Variants in SLCO1B3 observed in about 807,000 individuals in gnomAD.
SLCO1B3 encodes liver-specific organic anion transporter 2.
Under a neutral mutation model 71.8 loss-of-function variants are expected in SLCO1B3, and 72 were observed. The ratio of observed to expected loss-of-function variants is 1.00; its 90% confidence interval spans 0.83 to 1.22. The LOEUF is 1.22. Among genes scored for constraint, SLCO1B3 ranks in the 50% most tolerant of loss-of-function variants. The pLI is 0.00. For missense variants in SLCO1B3, 911 were observed against 819.7 expected (o/e 1.11, Z -1.36); for synonymous variants, 298 against 278.4 (o/e 1.07, Z -0.70).
At chr12:20,828,807 G>T (rs1197227057) in intron 3 of SLCO1B3, among the ~76,000 whole-genome samples, 1 of 152,068 alleles carries the variant, frequency 6.6e-6, no homozygotes, top group Non-Finnish European at 1.5e-5. Context: ...TATCAACCCA[G>T]AAAAGATTGG....
At chr12:20,875,182 C>G (rs189416280) in intron 8 of SLCO1B3, 53 bp from the exon 9 acceptor site, 3 of 1,595,786 alleles carry the variant, frequency 1.9e-6, no homozygotes, top group East Asian at 4.5e-5. Flanking sequence ...TTCCCAGAAC[C>G]TACTGTATTT....
intron 3 of SLCO1B3, among the ~76,000 whole-genome samples, chr12:20,835,256 C>T (rs904067274): frequency 8.5e-5 from 13 of 152,112 alleles, no homozygotes; most frequent in South Asian, 4.1e-4. Context: ...CCGTGATGGG[C>T]GTGGCTGCTC....
intron 13 of SLCO1B3, among the ~76,000 whole-genome samples, chr12:20,885,595 A>G (rs1437077296): frequency 6.6e-6 from 1 of 152,030 alleles, no homozygotes; most frequent in Non-Finnish European, 1.5e-5. Flanking sequence ...AAGTTATATG[A>G]CAAGAGACCT....
intron 3 of SLCO1B3, among the ~76,000 whole-genome samples, chr12:20,834,836 G>A (rs1047894140): frequency 6.6e-6 from 1 of 152,126 alleles, no homozygotes; most frequent in Non-Finnish European, 1.5e-5. Context: ...GAGGATCGTA[G>A]CCCTCTTCTC....
intron 3 of SLCO1B3, among the ~76,000 whole-genome samples, chr12:20,836,230 G>A (rs10743398): frequency 0.71 from 107,368 of 152,050 alleles, 38,050 homozygotes; most frequent in East Asian, 0.87. Flanking sequence ...CAGTGGGGAC[G>A]CAGCCAAAAC....
chr12:20,856,429 A>G (rs1242113281), intron 4 of SLCO1B3, among the ~76,000 whole-genome samples: 1 of 152,242 alleles, frequency 6.6e-6, no homozygotes, highest in Non-Finnish European at 1.5e-5. Flanking sequence ...AATGATGCGA[A>G]TAAAAACAAC....
chr12:20,861,209 T>C, intron 6 of SLCO1B3, 71 bp downstream of exon 6: 3 of 1,334,500 alleles, frequency 2.2e-6, no homozygotes, highest in African/African-American at 1.5e-5. Flanking sequence ...AAGTTTCTGA[T>C]ATTCTTTAAC....
chr12:20,867,471 T>G (rs1865395499), intron 8 of SLCO1B3, among the ~76,000 whole-genome samples: 1 of 148,592 alleles, frequency 6.7e-6, no homozygotes. Flanking sequence ...TTTCAAGACA[T>G]GGATCTTGGA....
intron 3 of SLCO1B3, 130 bp downstream of exon 3, chr12:20,815,952 A>G (rs1055798073): frequency 6.1e-6 from 3 of 493,872 alleles, no homozygotes; most frequent in African/African-American, 3.9e-5. Context: ...GTACATTAAA[A>G]TATTAACAAA....
At position 20,879,580 on chromosome 12, in the gene SLCO1B3, C is replaced by T; in HGVS notation, c.1280C>T (p.Pro427Leu). ...ISFLFQLLYF[P>L]LICESKSVAG... ...TTCTTGTTTCAACTTCTATATTTCC[C>T]TCTAATCTGCGAAAGCAAATCAGTT... is the stretch of plus-strand genomic sequence containing the variant. The change falls in exon 11 of 16, where the codon CCT (proline) becomes CTT (leucine). Residue 427 changes from proline (P) to leucine (L), a missense_variant. Transcript: ENST00000381545. 3 of 1,612,874 alleles carry T rather than the reference C, an allele frequency of 1.9e-6. No homozygotes were observed. The highest frequency in any genetic ancestry group is 2.2e-5 in the South Asian group (2 of 91,020).
chr12:20,898,328 A>C, intron 13 of SLCO1B3, 108 bp from the exon 14 acceptor site: 1 of 710,512 alleles, frequency 1.4e-6, no homozygotes, highest in Non-Finnish European at 2.6e-6. Flanking sequence ...TTCACTTAAG[A>C]GTATTCATTC....
intron 13 of SLCO1B3, among the ~76,000 whole-genome samples, chr12:20,885,973 T>A (rs1045436958): frequency 1.3e-5 from 2 of 152,116 alleles, no homozygotes; most frequent in African/African-American, 4.8e-5. Context: ...CTATGATCAT[T>A]CTTCACAATG....
In SLCO1B3 at chr12:20,861,082, G is replaced by A. The variant is rs993057194; in HGVS notation, c.425G>A (p.Cys142Tyr). The A allele has an allele frequency of 6.2e-7, 1 of 1,604,080 alleles. No individual in the cohort carries two copies. Among genetic ancestry groups the A allele is most frequent in the African/African-American group, 1.3e-5 (1 of 74,674 alleles). The change falls in exon 6 of 16, where the codon TGT (cysteine) becomes TAT (tyrosine). Residue 142 changes from cysteine (C) to tyrosine (Y), a missense_variant. Physicochemically the swap from Cys to Tyr is radical, Grantham distance 194 (BLOSUM62 -2). Coordinates refer to ENST00000381545, the MANE Select transcript of SLCO1B3 (RefSeq NM_019844.4). ...SENSTSSLST[C>Y]LINQTLSFNG... is the part of the protein sequence containing the mutation. ...AATTCAACATCAAGTTTATCAACCTGTTTAATTAATCAAACCTTATCATTC... is the reference window on the plus strand; with the variant it reads ...AATTCAACATCAAGTTTATCAACCTATTTAATTAATCAAACCTTATCATTC...
At chr12:20,909,000 A>C (rs962973875) in intron 15 of SLCO1B3, among the ~76,000 whole-genome samples, 4 of 152,072 alleles carry the variant, frequency 2.6e-5, no homozygotes, top group Non-Finnish European at 5.9e-5. Context: ...TTGCATTTTG[A>C]CCAACAATGA....
intron 3 of SLCO1B3, among the ~76,000 whole-genome samples, chr12:20,822,199 A>G (rs1850013): frequency 0.53 from 80,484 of 151,984 alleles, 21,945 homozygotes; most frequent in East Asian, 0.74. Flanking sequence ...ATGTGTGTCC[A>G]TGTGAAGAGA....
intron 3 of SLCO1B3, among the ~76,000 whole-genome samples, chr12:20,848,009 G>A (rs1367545612): frequency 6.6e-6 from 1 of 152,038 alleles, no homozygotes; most frequent in African/African-American, 2.4e-5. Flanking sequence ...CAGCTAGAAT[G>A]GGAATCATCA....
chr12:20,836,089 G>T (rs1864674784), intron 3 of SLCO1B3, among the ~76,000 whole-genome samples: 1 of 152,138 alleles, frequency 6.6e-6, no homozygotes, highest in Non-Finnish European at 1.5e-5. Flanking sequence ...AAAATAATCA[G>T]ATCTTGTGAG....
chr12:20,850,044 T>A (rs1297151342), intron 3 of SLCO1B3, among the ~76,000 whole-genome samples: 1 of 150,422 alleles, frequency 6.6e-6, no homozygotes, highest in Non-Finnish European at 1.5e-5. Context: ...TTTTTTTTTT[T>A]TTTTTCTTGC....
At chr12:20,904,084 CA>C (rs1306906975) in intron 15 of SLCO1B3, among the ~76,000 whole-genome samples, 2 of 151,362 alleles carry the variant, frequency 1.3e-5, no homozygotes, top group African/African-American at 2.4e-5. Context: ...CTAAAAATAC[CA>C]AAAAATTAGC....
Sources: allele counts gnomAD v4.1 joint callset (sites outside exome capture counted in the v4.1 genomes callset), GRCh38; gene constraint gnomAD v4.1.1; transcripts MANE v1.5; gene names NCBI Gene and HGNC (gene_info 2026-07-23, HGNC 2026-07-21).